GRM5: variants seen among roughly 807,000 people sequenced by gnomAD.
GRM5 encodes the protein metabotropic glutamate receptor 5.
A neutral mutation model predicts 83.1 loss-of-function variants in GRM5; 19 were observed. The observed-to-expected ratio is 0.23, with a 90% CI of 0.16 to 0.34. The LOEUF is 0.34. Among genes scored for constraint, GRM5 ranks in the 10% least tolerant of loss-of-function variants. The probability of loss-of-function intolerance (pLI) is 1.00; values close to 1 mark genes in which losing one functional copy is unlikely to be tolerated. For synonymous variants in GRM5, 675 were observed against 633.6 expected (o/e 1.07, Z -0.98); for missense variants, 1,160 against 1,588.3 (o/e 0.73, Z 4.58).
intron 7 of GRM5, among the ~76,000 whole-genome samples, chr11:88,586,129 T>C (rs551218584): frequency 1.7e-4 from 24 of 143,608 alleles, no homozygotes; most frequent in South Asian, 1.1e-3. Context: ...CACACACACA[T>C]ATTCACATGT....
chr11:88,981,159 T>G (rs572509), intron 2 of GRM5, among the ~76,000 whole-genome samples: 12,505 of 152,248 alleles, frequency 0.082, 1,593 homozygotes, highest in African/African-American at 0.28. Context: ...ATGCTTTCTT[T>G]CATTTGGCTT....
At chr11:88,684,857 C>T (rs1230094243) in intron 3 of GRM5, among the ~76,000 whole-genome samples, 1 of 152,168 alleles carries the variant, frequency 6.6e-6, no homozygotes, top group African/African-American at 2.4e-5. Flanking sequence ...TGCCTCCTGT[C>T]ATGATTCTGA....
chr11:88,902,984 A>C (rs1945340560), intron 2 of GRM5, among the ~76,000 whole-genome samples: 1 of 149,220 alleles, frequency 6.7e-6, no homozygotes, highest in Admixed American at 6.7e-5. Context: ...AAAAAAGCAA[A>C]GAAAAGGAAA....
chr11:88,854,810 T>C (rs1419469142), intron 2 of GRM5, among the ~76,000 whole-genome samples: 1 of 151,854 alleles, frequency 6.6e-6, no homozygotes, highest in African/African-American at 2.4e-5. Context: ...AATTATAAAA[T>C]AAAAAACTTT....
At chr11:89,028,951 C>A (rs1941195327) in intron 2 of GRM5, among the ~76,000 whole-genome samples, 1 of 152,084 alleles carries the variant, frequency 6.6e-6, no homozygotes, top group South Asian at 2.1e-4. Context: ...CCCCACCCCC[C>A]TACGTACCCT....
At chr11:89,054,684 AT>A (rs779894314) in intron 1 of GRM5, among the ~76,000 whole-genome samples, 1 of 151,930 alleles carries the variant, frequency 6.6e-6, no homozygotes, top group African/African-American at 2.4e-5. Context: ...AGACTGAACG[AT>A]TTTTTGAATA....
chr11:88,664,113 G>A (rs774423611), intron 3 of GRM5, among the ~76,000 whole-genome samples: 12 of 152,030 alleles, frequency 7.9e-5, no homozygotes, highest in African/African-American at 1.2e-4. Flanking sequence ...ATAAAGAGAA[G>A]AAAAATTATC....
intron 4 of GRM5, among the ~76,000 whole-genome samples, chr11:88,610,426 T>C (rs1475461342): frequency 6.6e-6 from 1 of 152,236 alleles, no homozygotes; most frequent in Admixed American, 6.5e-5. Context: ...ACAGAGATTT[T>C]TCACTTCCTT....
At chr11:89,012,553 G>A (rs947095464) in intron 2 of GRM5, among the ~76,000 whole-genome samples, 12 of 152,132 alleles carry the variant, frequency 7.9e-5, no homozygotes, top group African/African-American at 2.9e-4. Context: ...ACTCTACATT[G>A]AATGCATACA....
At position 88,649,137 on chromosome 11, in the gene GRM5, AAT is replaced by A. The variant is rs200403776; in HGVS notation, c.1147+4029_1147+4030del. ...ATATATGTAATATTTTTATATGTGT[AAT>A]ATATGTTTATTACATATATACATAC... On this transcript the variant is annotated intron_variant, in intron 4 of 9. Coordinates refer to ENST00000305447, the MANE Select transcript of GRM5 (RefSeq NM_001143831.3). 6.2e-3 allele frequency among the ~76,000 whole-genome samples: 878 copies of A among 142,656 alleles called. 9 individuals are homozygous for A. Among genetic ancestry groups the A allele is most frequent in the Middle Eastern group, 0.027 (7 of 260 alleles). 93.6% of individuals were successfully genotyped at this position (142,656 alleles called of 152,430 possible). A position where few individuals can be genotyped will look rare whatever the true frequency, so the allele number is the denominator to read the frequency against.
chr11:88,814,824 C>T (rs1475438108), intron 3 of GRM5, among the ~76,000 whole-genome samples: 1 of 151,880 alleles, frequency 6.6e-6, no homozygotes, highest in Admixed American at 6.6e-5. Flanking sequence ...GTAATTGAAA[C>T]TTTCCCAGAA....
intron 1 of GRM5, among the ~76,000 whole-genome samples, chr11:89,054,801 ATAT>A: frequency 1.3e-5 from 2 of 152,350 alleles, no homozygotes; most frequent in Middle Eastern, 6.8e-3. Context: ...TTCTCAAGAA[ATAT>A]TATGGGTGGG....
chr11:88,685,184 T>G (rs1940589274), intron 3 of GRM5, among the ~76,000 whole-genome samples: 1 of 152,176 alleles, frequency 6.6e-6, no homozygotes, highest in African/African-American at 2.4e-5. Flanking sequence ...GCTGAGGGGT[T>G]CTCAGATGGA....
intron 3 of GRM5, among the ~76,000 whole-genome samples, chr11:88,709,171 G>A (rs1053101936): frequency 1.3e-5 from 2 of 152,000 alleles, no homozygotes; most frequent in African/African-American, 2.4e-5. Context: ...CTCCAAAGGA[G>A]GAGTTGCTTA....
intron 4 of GRM5, among the ~76,000 whole-genome samples, chr11:88,635,708 T>C (rs888244709): frequency 6.6e-6 from 1 of 152,194 alleles, no homozygotes; most frequent in African/African-American, 2.4e-5. Context: ...TTGTCTATTT[T>C]TGTTTTCATT....
intron 4 of GRM5, among the ~76,000 whole-genome samples, chr11:88,632,806 C>A (rs758837013): frequency 6.6e-6 from 1 of 152,112 alleles, no homozygotes; most frequent in Non-Finnish European, 1.5e-5. Context: ...ATCAACAGTA[C>A]GTGAGAATAT....
chr11:88,606,258 C>T (rs1591377371), intron 4 of GRM5, among the ~76,000 whole-genome samples: 1 of 152,186 alleles, frequency 6.6e-6, no homozygotes, highest in African/African-American at 2.4e-5. Flanking sequence ...AGCGGTGGCT[C>T]ACGCCTGTAA....
At chr11:88,619,708 A>C (rs1304433379) in intron 4 of GRM5, among the ~76,000 whole-genome samples, 1 of 152,194 alleles carries the variant, frequency 6.6e-6, no homozygotes, top group African/African-American at 2.4e-5. Context: ...TTTATTTTTA[A>C]AAAATCTGGA....
chr11:88,961,180 G>A (rs1289960050), intron 2 of GRM5, among the ~76,000 whole-genome samples: 1 of 152,116 alleles, frequency 6.6e-6, no homozygotes, highest in Non-Finnish European at 1.5e-5. Context: ...TCCAAGTGGG[G>A]TAAAAGGAGA....
Sources: allele counts gnomAD v4.1 joint callset (sites outside exome capture counted in the v4.1 genomes callset), GRCh38; gene constraint gnomAD v4.1.1; transcripts MANE v1.5; gene names NCBI Gene and HGNC (gene_info 2026-07-23, HGNC 2026-07-21).